The following NCKAP5 variants were observed in gnomAD, a reference collection of about 807,000 sequenced individuals.
NCKAP5 encodes nck-associated protein 5.
In NCKAP5, 92 loss-of-function variants were observed where a neutral mutation model predicts 167.0. The observed-to-expected ratio is 0.55, with a 90% confidence interval of 0.47 to 0.66. The LOEUF (loss-of-function observed/expected upper bound fraction) is 0.66. Among genes scored for constraint, NCKAP5 ranks in the 30% least tolerant of loss-of-function variants. The pLI, the probability that NCKAP5 is intolerant of heterozygous loss-of-function variation, is 0.00. For missense variants in NCKAP5, 2,378 were observed against 2,315.0 expected (o/e 1.03, Z -0.56); for synonymous variants, 891 against 877.4 (o/e 1.02, Z -0.27).
intron 6 of NCKAP5, among the ~76,000 whole-genome samples, chr2:133,088,506 C>T (rs964361621): frequency 3.3e-5 from 5 of 152,114 alleles, no homozygotes; most frequent in African/African-American, 1.2e-4. Flanking sequence ...TTATACCTTC[C>T]TTACCATACC....
chr2:133,190,055 TG>T (rs1038957160), intron 5 of NCKAP5, among the ~76,000 whole-genome samples: 4 of 152,176 alleles, frequency 2.6e-5, no homozygotes, highest in African/African-American at 9.7e-5. Flanking sequence ...CTCCTTAAGC[TG>T]GTAAGCAACT....
chr2:132,719,873 A>G (rs1689744762), intron 19 of NCKAP5, among the ~76,000 whole-genome samples: 1 of 152,220 alleles, frequency 6.6e-6, no homozygotes, highest in East Asian at 1.9e-4. Flanking sequence ...TGGGAGGCAG[A>G]GCAGATTTCT....
In NCKAP5 at chr2:133,125,922, C is replaced by T. The variant is rs570789090; in HGVS notation, c.341+4056G>A. Reference sequence around the variant, plus strand: ...CTAATCAGAGGTCAAGAGGGAAGAACAGATTGTGGCTGAAGGTTTGGTGGT... The same window carrying T: ...CTAATCAGAGGTCAAGAGGGAAGAATAGATTGTGGCTGAAGGTTTGGTGGT... On this transcript the variant is annotated intron_variant, in intron 6 of 19. Transcript: ENST00000409261. 5.3e-5 allele frequency among the ~76,000 whole-genome samples: 8 copies of T among 152,070 alleles called. No individual in the cohort carries two copies. In the South Asian group the frequency reaches 1.7e-3, roughly 32 times the overall value.
At chr2:132,944,860 T>A (rs1046443291) in intron 8 of NCKAP5, among the ~76,000 whole-genome samples, 1 of 152,154 alleles carries the variant, frequency 6.6e-6, no homozygotes, top group Non-Finnish European at 1.5e-5. Context: ...AAGTCACTGC[T>A]TTCCTGGAAC....
At chr2:132,704,013 C>T (rs1482260780) in intron 19 of NCKAP5, among the ~76,000 whole-genome samples, 1 of 152,158 alleles carries the variant, frequency 6.6e-6, no homozygotes, top group South Asian at 2.1e-4. Flanking sequence ...CTGTTGAAGC[C>T]ATCTCTTACC....
At chr2:133,530,716 G>GA (rs1429411683) in intron 2 of NCKAP5, among the ~76,000 whole-genome samples, 1 of 152,142 alleles carries the variant, frequency 6.6e-6, no homozygotes, top group Non-Finnish European at 1.5e-5. Context: ...TTGACCAATA[G>GA]AATGTGGCAA....
chr2:133,078,889 G>T (rs2080707199), intron 6 of NCKAP5, among the ~76,000 whole-genome samples: 3 of 152,098 alleles, frequency 2.0e-5, no homozygotes, highest in Non-Finnish European at 4.4e-5. Context: ...CTCATGGAAA[G>T]ACATACAGTC....
chr2:133,017,423 ACAAATACAGTATTT>A (rs2078375797), intron 6 of NCKAP5, among the ~76,000 whole-genome samples: 1 of 152,230 alleles, frequency 6.6e-6, no homozygotes, highest in Non-Finnish European at 1.5e-5. Flanking sequence ...AAGGCTATGC[ACAAATACAGTATTT>A]CATTTTGCAA....
intron 16 of NCKAP5, among the ~76,000 whole-genome samples, chr2:132,768,939 CT>C (rs1226877275): frequency 0.033 from 3,821 of 116,284 alleles, 135 homozygotes; most frequent in African/African-American, 0.12. Context: ...ACACCTGGCC[CT>C]TTTTTTTTTT....
intron 8 of NCKAP5, among the ~76,000 whole-genome samples, chr2:132,959,331 C>A (rs2076439274): frequency 6.6e-6 from 1 of 152,060 alleles, no homozygotes; most frequent in Admixed American, 6.6e-5. Flanking sequence ...CAAAATAAAT[C>A]ATTCCTAGAA....
chr2:133,179,561 A>C (rs2084641916), intron 5 of NCKAP5, among the ~76,000 whole-genome samples: 1 of 152,236 alleles, frequency 6.6e-6, no homozygotes, highest in African/African-American at 2.4e-5. Flanking sequence ...AGCAGTTGTG[A>C]TTAAAATGCT....
intron 19 of NCKAP5, among the ~76,000 whole-genome samples, chr2:132,723,662 C>A (rs1384190489): frequency 6.6e-6 from 1 of 152,194 alleles, no homozygotes; most frequent in African/African-American, 2.4e-5. Context: ...CTTGCACTGG[C>A]TGCGTTTCAG....
chr2:133,256,026 A>G (rs1316256126), intron 4 of NCKAP5, among the ~76,000 whole-genome samples: 1 of 152,166 alleles, frequency 6.6e-6, no homozygotes, highest in Non-Finnish European at 1.5e-5. Context: ...TTCCTATTTC[A>G]AAGTGGAAGG....
intron 8 of NCKAP5, among the ~76,000 whole-genome samples, chr2:132,943,356 A>G (rs1697444519): frequency 6.6e-6 from 1 of 152,270 alleles, no homozygotes; most frequent in South Asian, 2.1e-4. Context: ...CCATTTTAAC[A>G]TACCTTGTCA....
chr2:133,542,742 T>C lies in NCKAP5; in HGVS notation c.-62+16308A>G, dbSNP rs76495334. 3.7e-4 allele frequency among the ~76,000 whole-genome samples: 56 copies of C among 152,330 alleles called. 1 individual carries two copies. The East Asian group carries it at 9.3e-3, about 25-fold the overall frequency. ...CGTTCTTGTCATCTCCTGGAAATTC[T>C]TAAACTCTGCAGACTATACTTCTGA... On this transcript the variant is annotated intron_variant, in intron 2 of 19. Transcript: ENST00000409261.
chr2:133,100,840 T>C (rs1268174643), intron 6 of NCKAP5, among the ~76,000 whole-genome samples: 1 of 152,218 alleles, frequency 6.6e-6, no homozygotes, highest in Non-Finnish European at 1.5e-5. Flanking sequence ...GTTACCTTTT[T>C]AAAATATTTT....
chr2:132,818,782 G>A (rs1686483587), intron 11 of NCKAP5, among the ~76,000 whole-genome samples: 1 of 152,156 alleles, frequency 6.6e-6, no homozygotes, highest in African/African-American at 2.4e-5. Flanking sequence ...ATGAATGGAG[G>A]CATCAAACTA....
chr2:132,766,089 A>G (rs111841287), intron 16 of NCKAP5, among the ~76,000 whole-genome samples: 1,555 of 151,950 alleles, frequency 0.01, 31 homozygotes, highest in African/African-American at 0.035. Flanking sequence ...AAACCATCCT[A>G]GCCAACATGG....
chr2:132,878,219 A>G (rs1223970369), intron 9 of NCKAP5, among the ~76,000 whole-genome samples: 1 of 152,182 alleles, frequency 6.6e-6, no homozygotes, highest in East Asian at 1.9e-4. Context: ...TCAAATGCCC[A>G]TTATCTTTGC....
Sources: gnomAD v4.1 joint callset for allele counts (sites outside exome capture counted in the v4.1 genomes callset) on GRCh38, gnomAD v4.1.1 for gene constraint, MANE v1.5 for transcripts, NCBI Gene and HGNC (gene_info 2026-07-23, HGNC 2026-07-21) for gene names.